CYB5R4: variants seen among roughly 807,000 people sequenced by gnomAD.
The protein encoded by CYB5R4 is N-terminal cytochrome b5 and cytochrome b5 oxidoreductase domain-containing protein.
In CYB5R4, 55 loss-of-function variants were observed where a neutral mutation model predicts 70.2. The observed-to-expected ratio is 0.78, with a 90% CI of 0.63 to 0.98. The LOEUF is 0.98. CYB5R4 is among the 50% of genes least tolerant of loss of function. CYB5R4 has a pLI of 0.00. For missense variants in CYB5R4, 562 were observed against 612.6 expected, an observed-to-expected ratio of 0.92 and a Z score of 0.87; for synonymous variants, 197 against 199.5, an observed-to-expected ratio of 0.99 and a Z score of 0.11.
intron 15 of CYB5R4, among the ~76,000 whole-genome samples, chr6:83,958,461 A>C (rs925843287): frequency 6.6e-6 from 1 of 152,216 alleles, no homozygotes; most frequent in African/African-American, 2.4e-5. Context: ...TGTGCACAGC[A>C]TGTGGACTAA....
chr6:83,939,032 C>T (rs529866292), intron 12 of CYB5R4, among the ~76,000 whole-genome samples: 12 of 152,084 alleles, frequency 7.9e-5, no homozygotes, highest in African/African-American at 2.9e-4. Flanking sequence ...GACGGGGTTT[C>T]TCCATGTTCG....
At chr6:83,902,253 C>T (rs1197077580) in intron 3 of CYB5R4, among the ~76,000 whole-genome samples, 1 of 151,960 alleles carries the variant, frequency 6.6e-6, no homozygotes, top group African/African-American at 2.4e-5. Flanking sequence ...TCCAATTTTC[C>T]CAGCACCATT....
intron 2 of CYB5R4, among the ~76,000 whole-genome samples, chr6:83,869,395 A>G (rs2099457227): frequency 6.6e-6 from 1 of 152,236 alleles, no homozygotes; most frequent in Non-Finnish European, 1.5e-5. Flanking sequence ...CCTCAAACTC[A>G]GTACTCACAG....
At chr6:83,878,568 G>A (rs1211245437) in intron 2 of CYB5R4, among the ~76,000 whole-genome samples, 10 of 152,060 alleles carry the variant, frequency 6.6e-5, no homozygotes, top group Non-Finnish European at 1.0e-4. Flanking sequence ...GGATGGTCTC[G>A]ATCTCCTGAC....
At chr6:83,866,151 G>A (rs1425950299) in intron 2 of CYB5R4, among the ~76,000 whole-genome samples, 1 of 152,122 alleles carries the variant, frequency 6.6e-6, no homozygotes, top group East Asian at 1.9e-4. Flanking sequence ...TCTGCACTAG[G>A]AAACCACTTT....
At chr6:83,887,165 C>T (rs755246321) in intron 2 of CYB5R4, among the ~76,000 whole-genome samples, 37 of 152,000 alleles carry the variant, frequency 2.4e-4, no homozygotes, top group Non-Finnish European at 4.9e-4. Context: ...AAATGATATC[C>T]TTGAACTGAG....
intron 2 of CYB5R4, among the ~76,000 whole-genome samples, chr6:83,890,850 A>G (rs1017542902): frequency 6.6e-6 from 1 of 152,198 alleles, no homozygotes; most frequent in African/African-American, 2.4e-5. Flanking sequence ...TGATATTAGC[A>G]TTTTTATGAA....
chr6:83,922,074 C>T (rs2099466465), intron 8 of CYB5R4, among the ~76,000 whole-genome samples: 1 of 152,152 alleles, frequency 6.6e-6, no homozygotes, highest in Non-Finnish European at 1.5e-5. Flanking sequence ...TACATACACA[C>T]ACACTCACAC....
chr6:83,862,554 A>G (rs544033678), intron 1 of CYB5R4, among the ~76,000 whole-genome samples: 1 of 152,224 alleles, frequency 6.6e-6, no homozygotes, highest in Non-Finnish European at 1.5e-5. Flanking sequence ...GGAATCAAAT[A>G]ATCAGTTCCC....
At chr6:83,875,961 T>A (rs987091510) in intron 2 of CYB5R4, among the ~76,000 whole-genome samples, 1 of 152,158 alleles carries the variant, frequency 6.6e-6, no homozygotes, top group African/African-American at 2.4e-5. Context: ...TCCCAGCCTC[T>A]TTTTCCTAGC....
At chr6:83,870,446 T>A (rs1027113370) in intron 2 of CYB5R4, among the ~76,000 whole-genome samples, 1 of 151,700 alleles carries the variant, frequency 6.6e-6, no homozygotes, top group Non-Finnish European at 1.5e-5. Context: ...TCTAACCGTT[T>A]TTTTTTTTTT....
At chr6:83,951,268 A>G (rs2099471474) in intron 14 of CYB5R4, among the ~76,000 whole-genome samples, 1 of 152,094 alleles carries the variant, frequency 6.6e-6, no homozygotes, top group South Asian at 2.1e-4. Context: ...AAGAAGAATT[A>G]TTAGGTCAAA....
Position 83,934,603 on chromosome 6 carries a change from T to G in CYB5R4, c.823T>G (p.Tyr275Asp), listed in dbSNP as rs760484119. 11 of 1,609,058 alleles carry G rather than the reference T, an allele frequency of 6.8e-6. No homozygotes were observed. The highest frequency in any genetic ancestry group is 1.3e-5 in the African/African-American group (1 of 74,818). The change falls in exon 11 of 16, where the codon TAC becomes GAC. Residue 275 changes from tyrosine (Y) to aspartate (D), a missense_variant. Tyr to Asp is a radical substitution (Grantham distance 160, BLOSUM62 -3). Coordinates refer to ENST00000369681, the MANE Select transcript of CYB5R4 (RefSeq NM_016230.4). ...LIPRKDTGLYYRKCQLISKED... is the reference protein window; with the variant it reads ...LIPRKDTGLYDRKCQLISKED... ...AATGAATCACTTTTTAGGTTTGTAC[T>G]ACAGAAAGTGCCAGTTAATTTCCAA...
At chr6:83,919,274 A>G (rs1049221920) in intron 6 of CYB5R4, 123 bp from the exon 7 acceptor site, 1 of 543,436 alleles carries the variant, frequency 1.8e-6, no homozygotes, top group Non-Finnish European at 3.2e-6. Context: ...TATTTAGAAA[A>G]AAAGCTTAAC....
intron 2 of CYB5R4, among the ~76,000 whole-genome samples, chr6:83,866,008 G>T (rs1337645429): frequency 6.6e-6 from 1 of 152,114 alleles, no homozygotes; most frequent in African/African-American, 2.4e-5. Context: ...CTGTTTACCA[G>T]CTGCAAGTAA....
chr6:83,901,290 C>T (rs536102937), intron 3 of CYB5R4, among the ~76,000 whole-genome samples: 1 of 152,154 alleles, frequency 6.6e-6, no homozygotes, highest in Non-Finnish European at 1.5e-5. Flanking sequence ...TGAATATTGG[C>T]CCCCACTCTC....
intron 2 of CYB5R4, among the ~76,000 whole-genome samples, chr6:83,877,347 T>C (rs953823363): frequency 3.9e-5 from 6 of 152,318 alleles, no homozygotes; most frequent in East Asian, 1.9e-4. Flanking sequence ...TCCCATAGTA[T>C]GTGTCTTAGT....
At chr6:83,934,064 C>T (rs1173855965) in intron 10 of CYB5R4, among the ~76,000 whole-genome samples, 1 of 151,958 alleles carries the variant, frequency 6.6e-6, no homozygotes, top group African/African-American at 2.4e-5. Flanking sequence ...GTTGTTAAGC[C>T]TTAAAGGCTT....
intron 3 of CYB5R4, among the ~76,000 whole-genome samples, chr6:83,899,966 T>C (rs1049282700): frequency 2.0e-5 from 3 of 152,192 alleles, no homozygotes; most frequent in African/African-American, 4.8e-5. Flanking sequence ...CTCTATCTCC[T>C]TCAGTTCTGC....
Sources: allele counts gnomAD v4.1 joint callset (sites outside exome capture counted in the v4.1 genomes callset), GRCh38; gene constraint gnomAD v4.1.1; transcripts MANE v1.5; gene names NCBI Gene and HGNC (gene_info 2026-07-23, HGNC 2026-07-21).